Variants in BDP1 observed in about 807,000 individuals in gnomAD.
BDP1 encodes BDP1 general transcription factor IIIB subunit.
BDP1 carries 169 observed loss-of-function variants against 266.6 expected under a neutral mutation model. The observed-to-expected ratio is 0.63, with a 90% confidence interval of 0.56 to 0.72. The LOEUF (loss-of-function observed/expected upper bound fraction) is 0.72, where lower values mean the gene tolerates loss of function less well. BDP1 is among the 30% of genes least tolerant of loss of function. The probability of loss-of-function intolerance (pLI) is 0.00; values close to 1 mark genes in which losing one functional copy is unlikely to be tolerated. For synonymous variants in BDP1, 1,090 were observed against 1,022.4 expected (o/e 1.07, Z -1.26); for missense variants, 3,015 against 3,053.8 (o/e 0.99, Z 0.30).
intron 1 of BDP1, 96 bp downstream of exon 1, chr5:71,456,185 T>C: frequency 8.2e-7 from 1 of 1,222,756 alleles, no homozygotes; most frequent in Non-Finnish European, 1.1e-6. Flanking sequence ...AGGAGTCCGC[T>C]CTCGTTTGCA....
chr5:71,498,630 G>T (rs1428409042), intron 13 of BDP1, among the ~76,000 whole-genome samples: 1 of 149,064 alleles, frequency 6.7e-6, no homozygotes, highest in African/African-American at 2.5e-5. Context: ...CACCTTGTTG[G>T]CCAGGCTGGT....
the BDP1 span, among the ~76,000 whole-genome samples, chr5:71,577,650 A>G: frequency 6.6e-6 from 1 of 152,214 alleles, no homozygotes; most frequent in African/African-American, 2.4e-5. Flanking sequence ...GAATTACAAA[A>G]CAAAATTCTT....
Position 71,483,865 on chromosome 5 carries a change from A to G in BDP1, c.1038A>G (p.Lys346=), listed in dbSNP as rs777584097. The G allele has an allele frequency of 1.9e-6, 3 of 1,611,620 alleles. No individual in the cohort carries two copies. In the South Asian group the frequency reaches 3.3e-5, roughly 18 times the overall value. The change falls in exon 8 of 39, where the codon AAA becomes AAG. Residue 346 remains lysine, a synonymous_variant. Coordinates refer to ENST00000358731, the MANE Select transcript of BDP1 (RefSeq NM_018429.3). ...EIKNKFKREE[K]TNGWRIDKAF... is the part of the protein sequence containing the mutation. ...AGAATAAATTTAAACGGGAAGAGAA[A>G]ACAAATGGATGGAGAATAGACAAAG...
chr5:71,520,574 A>G (rs1027466964), intron 22 of BDP1, among the ~76,000 whole-genome samples: 2 of 152,160 alleles, frequency 1.3e-5, no homozygotes, highest in Non-Finnish European at 2.9e-5. Context: ...ATTATTTTCT[A>G]TGTATAATCC....
At chr5:71,501,731 C>T (rs1055693996) in intron 14 of BDP1, 78 bp downstream of exon 14, 1 of 855,934 alleles carries the variant, frequency 1.2e-6, no homozygotes, top group South Asian at 1.6e-5. Flanking sequence ...TTGTTTTCTA[C>T]TTAATAAGGT....
chr5:71,574,759 T>G, the BDP1 span, among the ~76,000 whole-genome samples: 1 of 152,344 alleles, frequency 6.6e-6, no homozygotes, highest in East Asian at 1.9e-4. Flanking sequence ...TTATTGCTTA[T>G]TCCCTGCAAA....
At chr5:71,480,277 ATTTTTTTTTTTT>A (rs552593030) in intron 7 of BDP1, among the ~76,000 whole-genome samples, 70 of 105,020 alleles carry the variant, frequency 6.7e-4, no homozygotes, top group African/African-American at 2.3e-3. Context: ...TGCCCAGCTA[ATTTTTTTTTTTT>A]TTTTTTTTTT....
intron 7 of BDP1, among the ~76,000 whole-genome samples, chr5:71,471,672 TATAC>T (rs1232902094): frequency 2.0e-5 from 3 of 152,244 alleles, no homozygotes; most frequent in African/African-American, 7.2e-5. Flanking sequence ...TGAGAAACTT[TATAC>T]AAGTTTTCTG....
chr5:71,556,429 T>C (rs1280414283), intron 35 of BDP1, among the ~76,000 whole-genome samples: 2 of 152,206 alleles, frequency 1.3e-5, no homozygotes, highest in African/African-American at 4.8e-5. Flanking sequence ...AGTTATATTT[T>C]ATAGTGTTAA....
intron 24 of BDP1, 90 bp from the exon 25 acceptor site, chr5:71,523,849 G>A (rs1765631816): frequency 1.6e-6 from 2 of 1,287,998 alleles, no homozygotes; most frequent in East Asian, 2.3e-5. Context: ...TTTAATGACT[G>A]GAACTGGAAT....
At position 71,489,578 on chromosome 5, in the gene BDP1, A is replaced by C. The variant is rs1561699706; in HGVS notation, c.1388A>C (p.Lys463Thr). 1 of 1,614,182 alleles carries C rather than the reference A, an allele frequency of 6.2e-7. No individual in the cohort carries two copies. The highest frequency in any genetic ancestry group is 2.2e-5 in the East Asian group (1 of 44,866). ...VALEVDLNQK[K>T]RRRKKQDGAN... ...TTAGAAGTAGACCTAAATCAAAAGAAAAGAAGGAGGAAGAAGCAAGATGGA... is the reference window on the plus strand; with the variant it reads ...TTAGAAGTAGACCTAAATCAAAAGACAAGAAGGAGGAAGAAGCAAGATGGA... The change falls in exon 10 of 39, where the codon AAA becomes ACA. Residue 463 changes from lysine (K) to threonine (T), a missense_variant. Around this residue, in one of 3 missense-constraint regions of BDP1, gnomAD observed 2,383 missense variants for 2,404.9 expected, o/e 0.99. Coordinates refer to ENST00000358731, the MANE Select transcript of BDP1 (RefSeq NM_018429.3).
downstream of BDP1, among the ~76,000 whole-genome samples, chr5:71,572,302 C>T (rs1055951892): frequency 1.5e-4 from 23 of 148,518 alleles, no homozygotes; most frequent in Admixed American, 6.6e-5. Context: ...GCATTCATCC[C>T]CCTTTGTTCA....
chr5:71,562,702 G>A, intron 38 of BDP1, 182 bp downstream of exon 38: 1 of 1,489,088 alleles, frequency 6.7e-7, no homozygotes, highest in Non-Finnish European at 9.0e-7. Context: ...GAGTCAGGAA[G>A]TTACAGTTAG....
At chr5:71,523,858 A>G in intron 24 of BDP1, 81 bp from the exon 25 acceptor site, 2 of 1,362,990 alleles carry the variant, frequency 1.5e-6, no homozygotes, top group South Asian at 3.2e-5. Flanking sequence ...TGGAACTGGA[A>G]TTTCACTCTA....
chr5:71,518,835 CT>C (rs35834219), intron 22 of BDP1, among the ~76,000 whole-genome samples: 37,916 of 128,266 alleles, frequency 0.3, 5,539 homozygotes, highest in East Asian at 0.48. Context: ...GTATGGATTA[CT>C]TTTTTTTTTT....
At chr5:71,496,017 C>T (rs546616677) in intron 12 of BDP1, among the ~76,000 whole-genome samples, 11 of 151,944 alleles carry the variant, frequency 7.2e-5, no homozygotes, top group African/African-American at 1.7e-4. Flanking sequence ...CCGAGGCGGG[C>T]GGATCAGGAG....
chr5:71,456,721 G>T (rs570803257), intron 1 of BDP1, among the ~76,000 whole-genome samples: 2 of 152,306 alleles, frequency 1.3e-5, no homozygotes, highest in African/African-American at 4.8e-5. Context: ...GCGTTTTGGT[G>T]CAGATTGGAG....
Position 71,455,775 on chromosome 5 carries a change from T to C in BDP1, c.-103T>C. ...CTGCCCCCTGAGCTGGTGGTGTGGC[T>C]TTGTGGGGAGGGCGTAGTTCCTAAT... On this transcript the variant is annotated 5_prime_UTR_variant, in exon 1 of 39. Coordinates refer to ENST00000358731, the MANE Select transcript of BDP1 (RefSeq NM_018429.3). 2.0e-6 allele frequency: 2 copies of C among 984,846 alleles called. No individual in the cohort carries two copies. The highest frequency in any genetic ancestry group is 1.7e-5 in the South Asian group (1 of 60,080). The allele number at this position is 984,846 out of a possible 1,614,324, so 61.0% of individuals were successfully genotyped here.
chr5:71,526,516 TG>T (rs1765886955), intron 25 of BDP1, among the ~76,000 whole-genome samples: 2 of 144,460 alleles, frequency 1.4e-5, no homozygotes, highest in East Asian at 4.2e-4. Flanking sequence ...CTGGGGAAGC[TG>T]AGACAGGAGA....
Sources: gnomAD v4.1 joint callset for allele counts (sites outside exome capture counted in the v4.1 genomes callset) on GRCh38, gnomAD v4.1.1 for gene constraint, gnomAD v4.1.1 regional missense constraint, MANE v1.5 for transcripts, NCBI Gene and HGNC (gene_info 2026-07-23, HGNC 2026-07-21) for gene names.